GLI3: variants seen among roughly 807,000 people sequenced by gnomAD.
The protein encoded by GLI3 is transcription activator GLI3.
A neutral mutation model predicts 100.8 loss-of-function variants in GLI3; 20 were observed. That is an observed-to-expected ratio of 0.20 (90% confidence interval 0.14 to 0.29). GLI3 has a LOEUF of 0.29. GLI3 is among the 10% of genes least tolerant of loss of function. The probability of loss-of-function intolerance (pLI) is 1.00; values close to 1 mark genes in which losing one functional copy is unlikely to be tolerated. For synonymous variants in GLI3, 938 were observed against 860.5 expected (o/e 1.09, Z -1.58); for missense variants, 2,040 against 2,128.5 (o/e 0.96, Z 0.82).
At chr7:42,222,915 T>C (rs977809166) in intron 2 of GLI3, 1 of 564,424 alleles carries the variant, frequency 1.8e-6, no homozygotes, top group Non-Finnish European at 3.2e-6. Context: ...CATCTCAAAT[T>C]AGAAAGTTTG....
Position 41,966,317 on chromosome 7 carries a change from A to G in GLI3, c.2756T>C (p.Leu919Pro). 6.2e-7 allele frequency: 1 copy of G among 1,607,922 alleles called. No homozygotes were observed. Among genetic ancestry groups the G allele is most frequent in the Non-Finnish European group, 8.5e-7 (1 of 1,179,170 alleles). The change falls in exon 15 of 15, where the codon CTC (leucine) becomes CCC (proline). Residue 919 changes from leucine (L) to proline (P), a missense_variant. Around this residue, in one of 5 missense-constraint regions of GLI3, gnomAD observed 1,041 missense variants for 924.0 expected, o/e 1.13. Transcript: ENST00000395925. The surrounding 1 kb of genome is among the most constrained non-coding windows in gnomAD (Gnocchi z 5.8). ...GTACTGCTGGGCGGGCGTGAGGCTG[A>G]GCAGGCTGGGCAGGCCGTCGCTCTG... ...ASQSDGLPSLLSLTPAQQYRL... is the reference protein window; with the variant it reads ...ASQSDGLPSLPSLTPAQQYRL...
upstream of GLI3, among the ~76,000 whole-genome samples, chr7:42,242,767 C>T (rs2190510): frequency 0.35 from 52,512 of 152,100 alleles, 11,401 homozygotes; most frequent in East Asian, 0.7. Context: ...CCCTAGTCAC[C>T]TTGTCCCCAC....
chr7:42,170,597 T>C (rs1787351894), intron 2 of GLI3, among the ~76,000 whole-genome samples: 1 of 151,616 alleles, frequency 6.6e-6, no homozygotes, highest in African/African-American at 2.4e-5. Flanking sequence ...AGGGACGAGG[T>C]TTCACCATGT....
intron 10 of GLI3, among the ~76,000 whole-genome samples, chr7:42,017,856 C>T (rs940661727): frequency 6.6e-6 from 1 of 152,202 alleles, no homozygotes; most frequent in Non-Finnish European, 1.5e-5. Flanking sequence ...GACTGAGTGA[C>T]CTCTTCGAGA....
intron 10 of GLI3, among the ~76,000 whole-genome samples, chr7:41,979,416 T>G (rs1787597245): frequency 6.6e-6 from 1 of 152,222 alleles, no homozygotes; most frequent in South Asian, 2.1e-4. Flanking sequence ...AGAAAATAAA[T>G]GACTGGATTC....
intron 10 of GLI3, among the ~76,000 whole-genome samples, chr7:41,995,338 T>C (rs963471889): frequency 6.6e-6 from 1 of 152,152 alleles, no homozygotes; most frequent in African/African-American, 2.4e-5. Flanking sequence ...TCTTCTCTCA[T>C]CTGTTTGCAG....
At chr7:41,980,806 T>C (rs1007700667) in intron 10 of GLI3, among the ~76,000 whole-genome samples, 3 of 152,226 alleles carry the variant, frequency 2.0e-5, no homozygotes, top group Non-Finnish European at 4.4e-5. Context: ...GAGGATGTGC[T>C]GGGTGCCACT....
At chr7:41,988,576 C>T (rs754407695) in intron 10 of GLI3, among the ~76,000 whole-genome samples, 4 of 151,942 alleles carry the variant, frequency 2.6e-5, no homozygotes, top group Admixed American at 6.6e-5. Context: ...CTCTCCCTTT[C>T]TGTGTGAGGA....
chr7:42,130,643 G>A (rs1226457146), intron 3 of GLI3, among the ~76,000 whole-genome samples: 1 of 152,012 alleles, frequency 6.6e-6, no homozygotes, highest in Non-Finnish European at 1.5e-5. Flanking sequence ...AAGTAACCTA[G>A]GAGGTCTAAC....
chr7:42,200,791 G>C (rs533163494), intron 2 of GLI3, among the ~76,000 whole-genome samples: 1 of 137,244 alleles, frequency 7.3e-6, no homozygotes, highest in Non-Finnish European at 1.6e-5. Context: ...CTCTCCTTTA[G>C]TCAAAACTTT....
chr7:42,187,304 T>C (rs988667690), intron 2 of GLI3, among the ~76,000 whole-genome samples: 1 of 152,164 alleles, frequency 6.6e-6, no homozygotes, highest in East Asian at 1.9e-4. Flanking sequence ...AAATACATTT[T>C]CTTTTGAAAA....
At chr7:42,111,631 A>G (rs1330043229) in intron 3 of GLI3, among the ~76,000 whole-genome samples, 3 of 152,210 alleles carry the variant, frequency 2.0e-5, no homozygotes, top group African/African-American at 2.4e-5. Context: ...AAATGTTTCA[A>G]ATAGCCAATA....
At chr7:42,222,997 C>G in intron 2 of GLI3, 133 bp downstream of exon 2, 1 of 1,095,812 alleles carries the variant, frequency 9.1e-7, no homozygotes, top group Non-Finnish European at 1.4e-6. Context: ...TCCCCCCGCC[C>G]CTGCTCCATT....
chr7:42,148,191 C>G, intron 3 of GLI3, 35 bp downstream of exon 3: 1 of 1,581,308 alleles, frequency 6.3e-7, no homozygotes, highest in Non-Finnish European at 8.6e-7. Flanking sequence ...CTCCCCATAG[C>G]TCCTGAACAA....
At chr7:42,114,685 G>A (rs549983489) in intron 3 of GLI3, among the ~76,000 whole-genome samples, 96 of 152,070 alleles carry the variant, frequency 6.3e-4, no homozygotes, top group Admixed American at 1.2e-3. Flanking sequence ...TGCAGGTCGG[G>A]GAGAGTTTTT....
intron 1 of GLI3, among the ~76,000 whole-genome samples, chr7:42,230,111 G>A (rs1484614649): frequency 1.7e-5 from 1 of 59,726 alleles, no homozygotes; most frequent in Non-Finnish European, 3.8e-5. Flanking sequence ...GGGGGGGGGG[G>A]GTGGAAAGCC....
At chr7:42,191,537 A>G (rs1787827067) in intron 2 of GLI3, among the ~76,000 whole-genome samples, 1 of 152,082 alleles carries the variant, frequency 6.6e-6, no homozygotes, top group Non-Finnish European at 1.5e-5. Context: ...CTGTAATCCC[A>G]GCTACTCGGG....
Position 42,236,472 on chromosome 7 carries a change from G to A in GLI3, c.-43+499C>T, listed in dbSNP as rs367782374. Among the ~76,000 whole-genome samples, 116 of 152,280 alleles carry A rather than the reference G, an allele frequency of 7.6e-4. 4 individuals carry two copies. The East Asian group carries it at 0.011, about 14-fold the overall frequency. On this transcript the variant is annotated intron_variant, in intron 1 of 14. Transcript: ENST00000395925. ...CGCCCTCCGAAGCATAGCCCGGGCT[G>A]GAGAAGCCCCAGCGGCGGCGGCCCC...
chr7:42,017,289 T>C (rs960892361), intron 10 of GLI3, among the ~76,000 whole-genome samples: 7 of 152,166 alleles, frequency 4.6e-5, no homozygotes, highest in Non-Finnish European at 1.0e-4. Context: ...TAAAGTATCA[T>C]TGAGAACCAG....
Sources: allele counts gnomAD v4.1 joint callset (sites outside exome capture counted in the v4.1 genomes callset), GRCh38; gene constraint gnomAD v4.1.1; regional missense constraint gnomAD v4.1.1; non-coding constraint Gnocchi (gnomAD v3.1); transcripts MANE v1.5; gene names NCBI Gene and HGNC (gene_info 2026-07-23, HGNC 2026-07-21).